The following PLCB1 variants were observed in gnomAD, a reference collection of about 807,000 sequenced individuals.
PLCB1 encodes phospholipase C beta 1.
In PLCB1, 46 loss-of-function variants were observed where a neutral mutation model predicts 161.8. That is an observed-to-expected ratio of 0.28 (90% CI 0.22 to 0.36). The LOEUF is 0.36. Among genes scored for constraint, PLCB1 ranks in the 10% least tolerant of loss-of-function variants. The pLI, the probability that PLCB1 is intolerant of heterozygous loss-of-function variation, is 1.00. For missense variants in PLCB1, 1,016 were observed against 1,472.5 expected, an observed-to-expected ratio of 0.69 and a Z score of 5.07; for synonymous variants, 517 against 503.7, an observed-to-expected ratio of 1.03 and a Z score of -0.35.
chr20:8,639,786 A>G (rs1157356926), intron 4 of PLCB1, among the ~76,000 whole-genome samples: 2 of 152,214 alleles, frequency 1.3e-5, no homozygotes, highest in Non-Finnish European at 2.9e-5. Flanking sequence ...TCTGAAATCC[A>G]ATAAATTATA....
At chr20:8,567,417 C>T (rs1986371197) in intron 3 of PLCB1, among the ~76,000 whole-genome samples, 1 of 152,088 alleles carries the variant, frequency 6.6e-6, no homozygotes, top group Non-Finnish European at 1.5e-5. Context: ...GTCTTCACTT[C>T]ATTCTCCCCT....
chr20:8,548,704 T>C (rs12479478), intron 3 of PLCB1, among the ~76,000 whole-genome samples: 1 of 152,278 alleles, frequency 6.6e-6, no homozygotes, highest in South Asian at 2.1e-4. Context: ...ATATCTACAG[T>C]CTTAACTCTA....
intron 3 of PLCB1, among the ~76,000 whole-genome samples, chr20:8,471,519 A>T (rs1982052621): frequency 3.3e-5 from 5 of 152,206 alleles, no homozygotes; most frequent in Admixed American, 3.3e-4. Context: ...TTACAAACTC[A>T]GAATTAATAT....
At chr20:8,313,298 G>C (rs112172342) in intron 2 of PLCB1, among the ~76,000 whole-genome samples, 2 of 152,200 alleles carry the variant, frequency 1.3e-5, no homozygotes, top group African/African-American at 2.4e-5. Context: ...GGCTGGGCTC[G>C]CATGTGCCTG....
At chr20:8,166,937 C>T (rs2051681800) in intron 2 of PLCB1, among the ~76,000 whole-genome samples, 1 of 152,182 alleles carries the variant, frequency 6.6e-6, no homozygotes, top group Non-Finnish European at 1.5e-5. Context: ...ATGTTTTTTA[C>T]ATAGTTATGT....
intron 2 of PLCB1, among the ~76,000 whole-genome samples, chr20:8,187,265 T>A (rs1284267162): frequency 6.6e-6 from 1 of 152,074 alleles, no homozygotes; most frequent in Non-Finnish European, 1.5e-5. Flanking sequence ...GAACTTATGA[T>A]CCTTCACCTC....
chr20:8,418,327 G>A (rs949635147), intron 3 of PLCB1, among the ~76,000 whole-genome samples: 11 of 152,154 alleles, frequency 7.2e-5, no homozygotes, highest in Middle Eastern at 3.2e-3. Flanking sequence ...CTGATCATGT[G>A]TCAGCTGCAT....
chr20:8,186,602 C>A (rs1049897233), intron 2 of PLCB1, among the ~76,000 whole-genome samples: 8 of 152,040 alleles, frequency 5.3e-5, no homozygotes, highest in African/African-American at 1.9e-4. Context: ...ATGACTGAAA[C>A]AATAAAAGGA....
chr20:8,788,831 T>C, intron 29 of PLCB1, 109 bp downstream of exon 29: 1 of 686,312 alleles, frequency 1.5e-6, no homozygotes, highest in South Asian at 2.0e-5. Context: ...GTGAAGTTTC[T>C]CCTCTAGTCA....
intron 3 of PLCB1, among the ~76,000 whole-genome samples, chr20:8,582,134 A>G (rs1986853311): frequency 6.6e-6 from 1 of 152,168 alleles, no homozygotes; most frequent in South Asian, 2.1e-4. Context: ...AGCTGAGTTG[A>G]AAAGGTTTGG....
chr20:8,581,756 C>T (rs1216290075), intron 3 of PLCB1, among the ~76,000 whole-genome samples: 1 of 152,126 alleles, frequency 6.6e-6, no homozygotes, highest in East Asian at 1.9e-4. Flanking sequence ...TATACCTTAC[C>T]ACCTGCAAAG....
At chr20:8,432,809 A>G (rs984136409) in intron 3 of PLCB1, among the ~76,000 whole-genome samples, 11 of 152,222 alleles carry the variant, frequency 7.2e-5, no homozygotes, top group African/African-American at 2.4e-4. Flanking sequence ...TTGCTCATCC[A>G]TCTAAATTCA....
intron 12 of PLCB1, among the ~76,000 whole-genome samples, chr20:8,714,048 G>T (rs772906972): frequency 6.6e-5 from 10 of 152,042 alleles, no homozygotes; most frequent in Non-Finnish European, 1.3e-4. Flanking sequence ...ATAATTCGGG[G>T]CTCCCAATTT....
chr20:8,218,472 C>T (rs1979245368), intron 2 of PLCB1, among the ~76,000 whole-genome samples: 1 of 152,122 alleles, frequency 6.6e-6, no homozygotes, highest in South Asian at 2.1e-4. Flanking sequence ...TCAGCTTCCA[C>T]CGCTTACCAG....
At chr20:8,467,390 C>T (rs1019960352) in intron 3 of PLCB1, among the ~76,000 whole-genome samples, 11 of 152,096 alleles carry the variant, frequency 7.2e-5, no homozygotes, top group African/African-American at 2.7e-4. Flanking sequence ...CAAAGGGCTC[C>T]ATGGATAGCC....
intron 2 of PLCB1, among the ~76,000 whole-genome samples, chr20:8,338,569 A>AT: frequency 6.6e-6 from 1 of 152,292 alleles, no homozygotes; most frequent in Admixed American, 6.5e-5. Flanking sequence ...ATAAAGAGGT[A>AT]TTTTTTACCC....
intron 2 of PLCB1, among the ~76,000 whole-genome samples, chr20:8,325,319 A>G (rs1040848410): frequency 7.9e-5 from 12 of 152,336 alleles, no homozygotes; most frequent in Admixed American, 7.8e-4. Context: ...CTCTTCTCTG[A>G]TAAGCCCATG....
chr20:8,385,593 G>A (rs1987403636), intron 3 of PLCB1, among the ~76,000 whole-genome samples: 1 of 152,254 alleles, frequency 6.6e-6, no homozygotes, highest in African/African-American at 2.4e-5. Context: ...CGAGCTGAGA[G>A]GCTGTTGAGA....
intron 4 of PLCB1, among the ~76,000 whole-genome samples, chr20:8,645,338 A>T (rs1989140378): frequency 6.6e-6 from 1 of 152,214 alleles, no homozygotes; most frequent in Non-Finnish European, 1.5e-5. Flanking sequence ...ACATTATTTC[A>T]TTGAAGAGGG....
Sources: gnomAD v4.1 joint callset for allele counts (sites outside exome capture counted in the v4.1 genomes callset) on GRCh38, gnomAD v4.1.1 for gene constraint, MANE v1.5 for transcripts, NCBI Gene and HGNC (gene_info 2026-07-23, HGNC 2026-07-21) for gene names.